The following TUBG1 variants were observed in gnomAD, a reference collection of about 807,000 sequenced individuals.
TUBG1 encodes the protein tubulin gamma 1.
Under a neutral mutation model 53.3 loss-of-function variants are expected in TUBG1, and 22 were observed. That is an observed-to-expected ratio of 0.41 (90% CI 0.29 to 0.59). TUBG1 has a LOEUF of 0.59. TUBG1 is among the 20% of genes least tolerant of loss of function. TUBG1 has a pLI of 0.26. For synonymous variants in TUBG1, 198 were observed against 236.7 expected, an observed-to-expected ratio of 0.84 and a Z score of 1.50; for missense variants, 217 against 598.9, an observed-to-expected ratio of 0.36 and a Z score of 6.66.
chr17:42,611,158 G>A (rs1189493439), intron 3 of TUBG1: 1 of 152,232 alleles, frequency 6.6e-6, no homozygotes. Flanking sequence ...TTTTAGTAGA[G>A]ACGGGGTTTT....
chr17:42,609,999 C>A, intron 1 of TUBG1, 109 bp from the exon 2 acceptor site: 1 of 1,393,320 alleles, frequency 7.2e-7, no homozygotes, highest in Non-Finnish European at 9.9e-7. Context: ...GAGAGTCCTG[C>A]GGCTTGACTT....
chr17:42,609,728 C>T lies in TUBG1; in HGVS notation c.-10C>T. On this transcript the variant is annotated 5_prime_UTR_variant, in exon 1 of 11. Coordinates refer to ENST00000251413, the MANE Select transcript of TUBG1 (RefSeq NM_001070.5). The stretch of plus-strand genomic sequence containing the variant: ...GCGGGAGCGGCTGCAACGCCGGTGC[C>T]TGAGGAGCGATGCCGAGGGAAATCA... The T allele has an allele frequency of 6.5e-7, 1 of 1,549,470 alleles. No homozygotes were observed. The highest frequency in any genetic ancestry group is 8.7e-7 in the Non-Finnish European group (1 of 1,146,078).
At chr17:42,610,646 T>C in intron 3 of TUBG1, 56 bp downstream of exon 3, 1 of 1,611,206 alleles carries the variant, frequency 6.2e-7, no homozygotes, top group Non-Finnish European at 8.5e-7. Flanking sequence ...ACAGGCTCTA[T>C]GACGTCCCGA....
intron 4 of TUBG1, 97 bp downstream of exon 4, chr17:42,612,240 C>G: frequency 1.4e-6 from 2 of 1,380,838 alleles, no homozygotes; most frequent in South Asian, 2.3e-5. Flanking sequence ...ACTCATGTAC[C>G]CTTTGCACTG....
Position 42,613,667 on chromosome 17 carries a change from C to A in TUBG1, c.627C>A (p.Ala209=). 1 of 1,614,088 alleles carries A rather than the reference C, an allele frequency of 6.2e-7. No homozygotes were observed. The highest frequency in any genetic ancestry group is 8.5e-7 in the Non-Finnish European group (1 of 1,180,020). ...CCCAGGTGGTGCTGGACAACACAGCCCTGAACCGGATTGCCACAGACCGCC... is the reference window on the plus strand; with the variant it reads ...CCCAGGTGGTGCTGGACAACACAGCACTGAACCGGATTGCCACAGACCGCC... ...ADCVVVLDNT[A]LNRIATDRLH... Residue 209 remains alanine (A), a synonymous_variant, in exon 7 of 11, where the codon GCC becomes GCA. Transcript: ENST00000251413.
rs1388038346 is a variant in TUBG1, at chr17:42,609,700, C to T, written c.-38C>T. 6.5e-7 allele frequency: 1 copy of T among 1,536,760 alleles called. No individual in the cohort carries two copies. Among genetic ancestry groups the T allele is most frequent in the Non-Finnish European group, 8.8e-7 (1 of 1,140,750 alleles). On this transcript the variant is annotated 5_prime_UTR_variant, in exon 1 of 11. Coordinates refer to ENST00000251413, the MANE Select transcript of TUBG1 (RefSeq NM_001070.5). ...AGCGGGCTGGCGTGCGGCGCCGTTG[C>T]GGGCGGGAGCGGCTGCAACGCCGGT...
chr17:42,609,935 C>G, intron 1 of TUBG1, 149 bp downstream of exon 1: 1 of 1,325,962 alleles, frequency 7.5e-7, no homozygotes, highest in Non-Finnish European at 1.0e-6. Context: ...TGCCCAACCC[C>G]GAGGGGCCCT....
Position 42,615,102 on chromosome 17 carries a change from C to A in TUBG1, c.*61C>A. ...GTTGGCCCAAGCCCTGCCTGACTGACCACCCCCTCAGAGCACAGATCAGGG... is the reference window on the plus strand; with the variant it reads ...GTTGGCCCAAGCCCTGCCTGACTGAACACCCCCTCAGAGCACAGATCAGGG... On this transcript the variant is annotated 3_prime_UTR_variant, in exon 11 of 11. Coordinates refer to ENST00000251413, the MANE Select transcript of TUBG1 (RefSeq NM_001070.5). 1 of 1,561,400 alleles carries A rather than the reference C, an allele frequency of 6.4e-7. No individual in the cohort carries two copies. The highest frequency in any genetic ancestry group is 8.8e-7 in the Non-Finnish European group (1 of 1,137,010).
intron 3 of TUBG1, among the ~76,000 whole-genome samples, chr17:42,611,822 C>G (rs1206473435): frequency 6.8e-6 from 1 of 146,494 alleles, no homozygotes. Flanking sequence ...CGCCACTGCA[C>G]TCCAGCCTGG....
intron 3 of TUBG1, 47 bp from the exon 4 acceptor site, chr17:42,612,028 C>T (rs1469334871): frequency 6.3e-7 from 1 of 1,595,844 alleles, no homozygotes; most frequent in Middle Eastern, 1.7e-4. Flanking sequence ...AGGTCAGAGA[C>T]CTCCCATGGT....
chr17:42,609,787 G>A lies in TUBG1; in HGVS notation c.49+1G>A. ...CAGTTGGGCCAGTGCGGCAATCAGA[G>A]TGAGCGAAACTCCGGCCCCTCAGCT... On this transcript the variant is annotated splice_donor_variant, in intron 1 of 10. Coordinates refer to ENST00000251413, the MANE Select transcript of TUBG1 (RefSeq NM_001070.5). LOFTEE classifies it high-confidence loss of function. 2 of 1,551,484 alleles carry A rather than the reference G, an allele frequency of 1.3e-6. No homozygotes were observed. The highest frequency in any genetic ancestry group is 8.7e-7 in the Non-Finnish European group (1 of 1,146,878).
chr17:42,614,697 T>C lies in TUBG1; in HGVS notation c.1158+40T>C. On this transcript the variant is annotated intron_variant, in intron 10 of 10. Coordinates refer to ENST00000251413, the MANE Select transcript of TUBG1 (RefSeq NM_001070.5). This position sits in a 1 kb window ranked among gnomAD's most constrained non-coding sequence, Gnocchi z 5.1. The stretch of plus-strand genomic sequence containing the variant: ...TTGCACCTTTTTTCCCTGAATCAGT[T>C]TCCTGACTATACCTCACCTCTCTGC... The C allele has an allele frequency of 3.1e-6, 5 of 1,611,916 alleles. No individual in the cohort carries two copies. The highest frequency in any genetic ancestry group is 4.2e-6 in the Non-Finnish European group (5 of 1,178,472).
intron 3 of TUBG1, among the ~76,000 whole-genome samples, chr17:42,611,481 A>T (rs556851034): frequency 1.0e-3 from 155 of 152,322 alleles, no homozygotes; most frequent in Non-Finnish European, 1.7e-3. Context: ...GGGTATATGG[A>T]CCTGTATTAT....
At position 42,614,622 on chromosome 17, in the gene TUBG1, G is replaced by A. The variant is rs996824013; in HGVS notation, c.1123G>A (p.Gly375Arg). Reference sequence around the variant, plus strand: ...CCTGCCCTCGGCCCACCGGGTCAGCGGGCTCATGATGGCCAACCACACCAG... The same window carrying A: ...CCTGCCCTCGGCCCACCGGGTCAGCAGGCTCATGATGGCCAACCACACCAG... ...PYLPSAHRVS[G>R]LMMANHTSIS... The change falls in exon 10 of 11, where the codon GGG becomes AGG. Residue 375 changes from glycine (G) to arginine (R), a missense_variant. Physicochemically the swap from Gly to Arg is moderately radical, Grantham distance 125 (BLOSUM62 -2). Transcript: ENST00000251413. The surrounding 1 kb of genome is among the most constrained non-coding windows in gnomAD (Gnocchi z 5.1). 6.2e-6 allele frequency: 10 copies of A among 1,613,918 alleles called. No individual in the cohort carries two copies. In the Admixed American group the frequency reaches 1.2e-4, roughly 19 times the overall value.
chr17:42,612,404 C>G (rs760383580), intron 4 of TUBG1, 23 bp from the exon 5 acceptor site: 1 of 1,612,864 alleles, frequency 6.2e-7, no homozygotes, highest in Non-Finnish European at 8.5e-7. Context: ...TACCTGTACA[C>G]TGACTGCCCC....
chr17:42,610,690 G>A lies in TUBG1; in HGVS notation c.330+100G>A, dbSNP rs1047618193. On this transcript the variant is annotated intron_variant, in intron 3 of 10. Coordinates refer to ENST00000251413, the MANE Select transcript of TUBG1 (RefSeq NM_001070.5). ...AAAACCGGATCAGGGATGTATGAAT[G>A]CTGGAGGGAGAGACCTGGCTGCAGG... 6 of 1,547,502 alleles carry A rather than the reference G, an allele frequency of 3.9e-6. No homozygotes were observed. The East Asian group carries it at 9.1e-5, about 23-fold the overall frequency.
At chr17:42,612,222 C>A in intron 4 of TUBG1, 79 bp downstream of exon 4, 1 of 1,472,720 alleles carries the variant, frequency 6.8e-7, no homozygotes, top group Non-Finnish European at 9.5e-7. Flanking sequence ...CTGTTAGGAA[C>A]AAGACCCACT....
At chr17:42,611,965 C>T (rs969282251) in intron 3 of TUBG1, 110 bp from the exon 4 acceptor site, 2 of 920,838 alleles carry the variant, frequency 2.2e-6, no homozygotes, top group African/African-American at 1.6e-5. Context: ...GGTAGCTATG[C>T]TCCATAAAAG....
In TUBG1 at chr17:42,614,752, C is replaced by T; in HGVS notation, c.1159-92C>T. 1 of 1,603,706 alleles carries T rather than the reference C, an allele frequency of 6.2e-7. No individual in the cohort carries two copies. Among genetic ancestry groups the T allele is most frequent in the African/African-American group, 1.3e-5 (1 of 74,566 alleles). Reference sequence around the variant, plus strand: ...GCTGGCCCTGCTTCTAGCTTTTTTGCTGTGGGCATAGCCCAGCCTTGGTTC... The same window carrying T: ...GCTGGCCCTGCTTCTAGCTTTTTTGTTGTGGGCATAGCCCAGCCTTGGTTC... On this transcript the variant is annotated intron_variant, in intron 10 of 10. Transcript: ENST00000251413. This position sits in a 1 kb window ranked among gnomAD's most constrained non-coding sequence, Gnocchi z 5.1.
Sources: gnomAD v4.1 joint callset for allele counts (sites outside exome capture counted in the v4.1 genomes callset) on GRCh38, gnomAD v4.1.1 for gene constraint, Gnocchi (gnomAD v3.1) non-coding constraint, MANE v1.5 for transcripts, NCBI Gene and HGNC (gene_info 2026-07-23, HGNC 2026-07-21) for gene names.